Variants in CAMK2A observed in about 807,000 individuals in gnomAD.
The protein encoded by CAMK2A is calcium/calmodulin-dependent protein kinase type II subunit alpha.
A neutral mutation model predicts 79.2 loss-of-function variants in CAMK2A; 7 were observed. That is an observed-to-expected ratio of 0.09 (90% CI 0.05 to 0.17). The LOEUF is 0.17. Among genes scored for constraint, CAMK2A ranks in the 10% least tolerant of loss-of-function variants. CAMK2A has a pLI of 1.00. For synonymous variants in CAMK2A, 242 were observed against 251.7 expected, an observed-to-expected ratio of 0.96 and a Z score of 0.36; for missense variants, 214 against 646.4, an observed-to-expected ratio of 0.33 and a Z score of 7.25.
At chr5:150,285,941 C>T (rs1213832048) in intron 1 of CAMK2A, among the ~76,000 whole-genome samples, 1 of 152,246 alleles carries the variant, frequency 6.6e-6, no homozygotes, top group African/African-American at 2.4e-5. Flanking sequence ...CTTCCTTGAA[C>T]GTGACCCCTT....
intron 15 of CAMK2A, among the ~76,000 whole-genome samples, chr5:150,233,963 C>A (rs1754957054): frequency 6.6e-6 from 1 of 152,150 alleles, no homozygotes; most frequent in Admixed American, 6.5e-5. Context: ...CAGGCATGCA[C>A]CACCACGCCC....
chr5:150,258,729 A>G (rs1756169050), intron 3 of CAMK2A, among the ~76,000 whole-genome samples: 2 of 152,146 alleles, frequency 1.3e-5, no homozygotes. Context: ...CCATGTGCAT[A>G]TATTTCTGGC....
rs1262888106 is a variant in CAMK2A at position 150,220,925 on chromosome 5, A to G, written c.*1785T>C. Reference sequence around the variant, plus strand: ...AAATCTCGGATCAAACATCCTCACCAGTTCTGCTCCAACCAACACCCAGGA... The same window carrying G: ...AAATCTCGGATCAAACATCCTCACCGGTTCTGCTCCAACCAACACCCAGGA... On this transcript the variant is annotated 3_prime_UTR_variant, in exon 19 of 19. Transcript: ENST00000671881. The G allele has an allele frequency of 6.6e-6, 1 of 152,372 alleles. No homozygotes were observed. The highest frequency in any genetic ancestry group is 2.4e-5 in the African/African-American group (1 of 41,438). 9.4% of individuals were successfully genotyped at this position (152,372 alleles called of 1,614,324 possible).
intron 10 of CAMK2A, among the ~76,000 whole-genome samples, 165 bp downstream of exon 10, chr5:150,250,523 C>T (rs1473651379): frequency 6.6e-6 from 1 of 152,222 alleles, no homozygotes; most frequent in Non-Finnish European, 1.5e-5. Flanking sequence ...ACCCAGAACA[C>T]TCACTCCTCG....
chr5:150,239,958 T>G (rs1427826075), intron 13 of CAMK2A, among the ~76,000 whole-genome samples: 2 of 152,154 alleles, frequency 1.3e-5, no homozygotes, highest in Non-Finnish European at 2.9e-5. Context: ...TGAGTCCTCA[T>G]GCACACTGCC....
At chr5:150,246,217 C>T (rs1174806135) in intron 12 of CAMK2A, among the ~76,000 whole-genome samples, 1 of 152,178 alleles carries the variant, frequency 6.6e-6, no homozygotes, top group African/African-American at 2.4e-5. Flanking sequence ...CCTATGACCC[C>T]TTCGAGGCTC....
intron 16 of CAMK2A, among the ~76,000 whole-genome samples, chr5:150,230,952 C>T (rs770885997): frequency 3.9e-5 from 6 of 152,176 alleles, no homozygotes; most frequent in Non-Finnish European, 7.3e-5. Flanking sequence ...ACGTGCCTCC[C>T]TTCCCACCTT....
chr5:150,258,918 G>A (rs1756179674), intron 3 of CAMK2A, among the ~76,000 whole-genome samples: 1 of 151,734 alleles, frequency 6.6e-6, no homozygotes, highest in African/African-American at 2.4e-5. Context: ...GGTGGCTCAC[G>A]CTTGTAATCC....
Position 150,256,453 on chromosome 5 carries a change from C to A in CAMK2A, c.411+120G>T. 1 of 686,876 alleles carries A rather than the reference C, an allele frequency of 1.5e-6. No individual in the cohort carries two copies. 42.5% of individuals were successfully genotyped at this position (686,876 alleles called of 1,614,324 possible). On this transcript the variant is annotated intron_variant, in intron 6 of 18. Transcript: ENST00000671881. The surrounding 1 kb of genome is among the most constrained non-coding windows in gnomAD (Gnocchi z 4.6). Reference sequence around the variant, plus strand: ...GGGAAAATAATCTCACCCACCCCACCTTCCAGCCTAACACAGAGAAATTAA... The same window carrying A: ...GGGAAAATAATCTCACCCACCCCACATTCCAGCCTAACACAGAGAAATTAA...
At chr5:150,226,792 A>G (rs1754621651) in intron 17 of CAMK2A, among the ~76,000 whole-genome samples, 1 of 141,654 alleles carries the variant, frequency 7.1e-6, no homozygotes, top group Admixed American at 7.0e-5. Flanking sequence ...TAATTTCTAT[A>G]GGTTTTTTGT....
intron 1 of CAMK2A, among the ~76,000 whole-genome samples, chr5:150,273,581 A>G (rs1756838526): frequency 6.6e-6 from 1 of 152,190 alleles, no homozygotes; most frequent in Admixed American, 6.5e-5. Flanking sequence ...CCTGTACTGC[A>G]GCCCCTGAGG....
chr5:150,263,178 G>A (rs924191037), intron 3 of CAMK2A, among the ~76,000 whole-genome samples: 1 of 152,174 alleles, frequency 6.6e-6, no homozygotes, highest in Admixed American at 6.5e-5. Context: ...GGGTCACACA[G>A]CAATGAAGCA....
chr5:150,255,285 C>T (rs1308345658), intron 6 of CAMK2A, among the ~76,000 whole-genome samples: 3 of 152,234 alleles, frequency 2.0e-5, no homozygotes, highest in Non-Finnish European at 4.4e-5. Flanking sequence ...CTCATCTAGA[C>T]TGAGCCACAG....
chr5:150,286,764 G>A (rs536725217), intron 1 of CAMK2A, among the ~76,000 whole-genome samples: 1 of 152,286 alleles, frequency 6.6e-6, no homozygotes, highest in Admixed American at 6.5e-5. Context: ...GCACGGTTTG[G>A]TCAACCTCCT....
chr5:150,242,859 T>C (rs1481332979), intron 13 of CAMK2A, among the ~76,000 whole-genome samples: 14 of 152,214 alleles, frequency 9.2e-5, no homozygotes, highest in Non-Finnish European at 2.1e-4. Context: ...AGGTTATTCT[T>C]ATCTTCCAAT....
chr5:150,241,614 C>G (rs1285933676), intron 13 of CAMK2A, among the ~76,000 whole-genome samples: 3 of 147,666 alleles, frequency 2.0e-5, no homozygotes, highest in Non-Finnish European at 4.5e-5. Context: ...CTCTCTTCTC[C>G]TGTCCTCTCC....
rs78825820 is a variant in CAMK2A, at chr5:150,223,582, A to G, written c.1238-365T>C. On this transcript the variant is annotated intron_variant, in intron 17 of 18. Transcript: ENST00000671881. The surrounding 1 kb of genome is among the most constrained non-coding windows in gnomAD (Gnocchi z 4.1). ...ATCCCCCCAGGTACCAGGCAGGCAC[A>G]TAAACAACGGGGGCTGAGCTGGGTA... Among the ~76,000 whole-genome samples, 630 of 152,342 alleles carry G rather than the reference A, an allele frequency of 4.1e-3. 9 individuals are homozygous for G. The highest frequency in any genetic ancestry group is 0.015 in the African/African-American group (605 of 41,578).
At position 150,269,486 on chromosome 5, in the gene CAMK2A, G is replaced by T. The variant is rs573341625; in HGVS notation, c.157+3579C>A. On this transcript the variant is annotated intron_variant, in intron 2 of 18. Coordinates refer to ENST00000671881, the MANE Select transcript of CAMK2A (RefSeq NM_015981.4). ...CCTCAGTCTCCCTCTTGAGTAGCTG[G>T]GACTACAGGCACCCGCCACTACGCC... is the stretch of plus-strand genomic sequence containing the variant. Among the ~76,000 whole-genome samples the T allele has an allele frequency of 3.2e-4, 48 of 151,778 alleles. 1 individual carries two copies. Among genetic ancestry groups the T allele is most frequent in the African/African-American group, 1.1e-3 (47 of 41,410 alleles).
At chr5:150,262,112 T>C (rs1283052996) in intron 3 of CAMK2A, among the ~76,000 whole-genome samples, 1 of 152,160 alleles carries the variant, frequency 6.6e-6, no homozygotes, top group East Asian at 1.9e-4. Flanking sequence ...GGGAGGTAAA[T>C]GCTTTGTGCA....
Sources: allele counts gnomAD v4.1 joint callset (sites outside exome capture counted in the v4.1 genomes callset), GRCh38; gene constraint gnomAD v4.1.1; non-coding constraint Gnocchi (gnomAD v3.1); transcripts MANE v1.5; gene names NCBI Gene and HGNC (gene_info 2026-07-23, HGNC 2026-07-21).